The following KARS1 variants were observed in gnomAD, a reference collection of about 807,000 sequenced individuals.
KARS1 encodes the protein lysyl-tRNA synthetase 1.
In KARS1, 50 loss-of-function variants were observed where a neutral mutation model predicts 63.9. The observed-to-expected ratio is 0.78, with a 90% CI of 0.62 to 0.99. The LOEUF is 0.99. KARS1 is among the 50% of genes least tolerant of loss of function. KARS1 has a pLI of 0.00. For synonymous variants in KARS1, 320 were observed against 264.6 expected, an observed-to-expected ratio of 1.21 and a Z score of -2.03; for missense variants, 816 against 754.5, an observed-to-expected ratio of 1.08 and a Z score of -0.95.
chr16:75,630,195 G>A (rs1239794208), intron 11 of KARS1, among the ~76,000 whole-genome samples: 1 of 152,134 alleles, frequency 6.6e-6, no homozygotes, highest in Admixed American at 6.5e-5. Flanking sequence ...CTGCCAGACA[G>A]GCCACATGAA....
chr16:75,643,802 T>C (rs1323388736), intron 1 of KARS1, among the ~76,000 whole-genome samples: 1 of 152,276 alleles, frequency 6.6e-6, no homozygotes, highest in African/African-American at 2.4e-5. Flanking sequence ...GTGCTGGTGT[T>C]ATCATGCTAT....
chr16:75,636,451 T>C lies in KARS1; in HGVS notation c.482+3A>G, dbSNP rs1467673155. On this transcript the variant is annotated splice_donor_region_variant and intron_variant, in intron 4 of 13. Coordinates refer to ENST00000302445, the MANE Select transcript of KARS1 (RefSeq NM_005548.3). ...AGGTCTATAACTGGGTATTTCGAGA[T>C]ACCTGGAATTGGCCATGACTTGCAA... 6.3e-7 allele frequency: 1 copy of C among 1,592,136 alleles called. No homozygotes were observed. The highest frequency in any genetic ancestry group is 1.7e-5 in the Admixed American group (1 of 59,974).
chr16:75,635,123 C>G (rs2082148849), intron 6 of KARS1, among the ~76,000 whole-genome samples: 1 of 152,130 alleles, frequency 6.6e-6, no homozygotes, highest in Admixed American at 6.6e-5. Context: ...AAAAGCAGGT[C>G]CATCACAATA....
chr16:75,631,030 A>T, intron 10 of KARS1, 138 bp downstream of exon 10: 1 of 713,732 alleles, frequency 1.4e-6, no homozygotes. Flanking sequence ...AAAGTCTGTT[A>T]ATTCTCTTGT....
At chr16:75,630,145 T>TA (rs1365209291) in intron 11 of KARS1, among the ~76,000 whole-genome samples, 1 of 152,176 alleles carries the variant, frequency 6.6e-6, no homozygotes, top group Non-Finnish European at 1.5e-5. Context: ...AGCTTCCCCT[T>TA]AGAGCCCAAC....
chr16:75,644,555 C>T, intron 1 of KARS1: 1 of 803,006 alleles, frequency 1.2e-6, no homozygotes, highest in Non-Finnish European at 1.9e-6. Context: ...GGGGACCATG[C>T]TTCTACTACC....
intron 1 of KARS1, chr16:75,647,344 T>C (rs2082298436): frequency 1.6e-6 from 1 of 614,554 alleles, no homozygotes; most frequent in Non-Finnish European, 2.9e-6. Context: ...CTCTTAACTC[T>C]AGGAGTATGA....
At chr16:75,634,126 C>G (rs1394940321) in intron 7 of KARS1, 47 bp downstream of exon 7, 1 of 1,603,596 alleles carries the variant, frequency 6.2e-7, no homozygotes, top group African/African-American at 1.3e-5. Flanking sequence ...AGTGGTATTC[C>G]AGCTTTCTGC....
intron 6 of KARS1, among the ~76,000 whole-genome samples, chr16:75,634,650 A>G (rs2082144813): frequency 6.6e-6 from 1 of 152,146 alleles, no homozygotes; most frequent in Non-Finnish European, 1.5e-5. Context: ...ATCTCGGCTC[A>G]TGGCAAGCTC....
Position 75,629,275 on chromosome 16 carries a change from A to G in KARS1, c.1551+140T>C. Reference sequence around the variant, plus strand: ...TACCAGATGAAGTCACCATCTTGAAATGTGACTCCTCCAGCAAGCCTATGG... The same window carrying G: ...TACCAGATGAAGTCACCATCTTGAAGTGTGACTCCTCCAGCAAGCCTATGG... On this transcript the variant is annotated intron_variant, in intron 12 of 13. Coordinates refer to ENST00000302445, the MANE Select transcript of KARS1 (RefSeq NM_005548.3). 3 of 998,206 alleles carry G rather than the reference A, an allele frequency of 3.0e-6. No homozygotes were observed. The South Asian group carries it at 3.9e-5, about 13-fold the overall frequency. The allele number at this position is 998,206 out of a possible 1,614,324, so 61.8% of individuals were successfully genotyped here.
chr16:75,636,559 A>G lies in KARS1; in HGVS notation c.389-12T>C. ...GGCATGGATCCTACCTAGAAAAAGA[A>G]GAGCAAAAATACTGACTGACAGAAC... On this transcript the variant is annotated splice_polypyrimidine_tract_variant and intron_variant, in intron 3 of 13. Transcript: ENST00000302445. 1.3e-6 allele frequency: 2 copies of G among 1,533,038 alleles called. No homozygotes were observed. The highest frequency in any genetic ancestry group is 1.8e-6 in the Non-Finnish European group (2 of 1,106,996). 95.0% of individuals were successfully genotyped at this position (1,533,038 alleles called of 1,614,324 possible).
chr16:75,638,267 C>T (rs2082186155), intron 3 of KARS1, among the ~76,000 whole-genome samples: 5 of 151,236 alleles, frequency 3.3e-5, no homozygotes, highest in South Asian at 2.1e-4. Context: ...GTGCAGAACA[C>T]GCAGATTTGT....
At chr16:75,644,844 A>C (rs1472273083) in intron 1 of KARS1, among the ~76,000 whole-genome samples, 5 of 152,222 alleles carry the variant, frequency 3.3e-5, no homozygotes, top group African/African-American at 1.2e-4. Flanking sequence ...TAGGAAGCAT[A>C]TAAAATAAGA....
At chr16:75,638,330 C>G (rs1004771880) in intron 3 of KARS1, among the ~76,000 whole-genome samples, 4 of 151,762 alleles carry the variant, frequency 2.6e-5, no homozygotes, top group African/African-American at 9.7e-5. Flanking sequence ...AACCTGTCAT[C>G]TAGGTTTTAA....
intron 13 of KARS1, 110 bp downstream of exon 13, chr16:75,628,459 T>C: frequency 7.8e-7 from 1 of 1,285,170 alleles, no homozygotes; most frequent in Admixed American, 1.8e-5. Flanking sequence ...CCTGCTCCTC[T>C]TCCCAGCCCA....
At chr16:75,628,124 C>G in intron 13 of KARS1, 131 bp from the exon 14 acceptor site, 1 of 715,880 alleles carries the variant, frequency 1.4e-6, no homozygotes, top group South Asian at 1.5e-5. Flanking sequence ...GCTGAAAAGG[C>G]TCATGTGTTC....
chr16:75,633,634 C>T (rs970892363), intron 7 of KARS1, among the ~76,000 whole-genome samples: 1 of 151,810 alleles, frequency 6.6e-6, no homozygotes, highest in African/African-American at 2.4e-5. Flanking sequence ...CCTCCTGCCT[C>T]AGTCTCCCAA....
At chr16:75,646,951 C>T (rs956767658) in intron 1 of KARS1, among the ~76,000 whole-genome samples, 4 of 152,170 alleles carry the variant, frequency 2.6e-5, no homozygotes, top group South Asian at 2.1e-4. Flanking sequence ...CTAATCCTGA[C>T]TTATCTATGT....
chr16:75,635,146 CTTCA>C (rs2082149118), intron 6 of KARS1, among the ~76,000 whole-genome samples: 1 of 152,112 alleles, frequency 6.6e-6, no homozygotes, highest in Admixed American at 6.6e-5. Flanking sequence ...CATAGTGTGA[CTTCA>C]TTCATATTTA....
Sources: gnomAD v4.1 joint callset for allele counts (sites outside exome capture counted in the v4.1 genomes callset) on GRCh38, gnomAD v4.1.1 for gene constraint, MANE v1.5 for transcripts, NCBI Gene and HGNC (gene_info 2026-07-23, HGNC 2026-07-21) for gene names.